ROBO2: variants seen among roughly 807,000 people sequenced by gnomAD.
ROBO2 encodes roundabout homolog 2.
A neutral mutation model predicts 160.8 loss-of-function variants in ROBO2; 53 were observed. The ratio of observed to expected loss-of-function variants is 0.33; its 90% CI spans 0.26 to 0.41. The LOEUF is 0.41. ROBO2 is among the 10% of genes least tolerant of loss of function. The pLI is 1.00. For missense variants in ROBO2, 1,577 were observed against 1,722.4 expected, an observed-to-expected ratio of 0.92 and a Z score of 1.49; for synonymous variants, 664 against 611.7, an observed-to-expected ratio of 1.09 and a Z score of -1.26.
chr3:77,011,409 A>G (rs2061915401), intron 2 of ROBO2, among the ~76,000 whole-genome samples: 1 of 152,156 alleles, frequency 6.6e-6, no homozygotes, highest in Admixed American at 6.5e-5. Flanking sequence ...TGTGTCAAGT[A>G]TCTTCAGCTT....
At chr3:77,528,014 T>C (rs2091330331) in intron 6 of ROBO2, among the ~76,000 whole-genome samples, 1 of 151,640 alleles carries the variant, frequency 6.6e-6, no homozygotes, top group South Asian at 2.1e-4. Context: ...GGTTTTAATA[T>C]ATCTTATTTT....
At chr3:77,506,971 G>T (rs2088627584) in intron 5 of ROBO2, among the ~76,000 whole-genome samples, 2 of 152,078 alleles carry the variant, frequency 1.3e-5, no homozygotes. Context: ...GTTTTCTAAT[G>T]ATTTGAGATG....
intron 2 of ROBO2, among the ~76,000 whole-genome samples, chr3:76,137,350 G>A (rs538286377): frequency 4.6e-5 from 7 of 152,038 alleles, no homozygotes; most frequent in African/African-American, 1.4e-4. Context: ...TGCCGAAAAC[G>A]TCCAATCCTA....
At chr3:76,825,248 A>G (rs1284414122) in intron 2 of ROBO2, among the ~76,000 whole-genome samples, 3 of 152,106 alleles carry the variant, frequency 2.0e-5, no homozygotes, top group Non-Finnish European at 1.5e-5. Context: ...GACAAACAAG[A>G]ATGGATTTGA....
intron 2 of ROBO2, among the ~76,000 whole-genome samples, chr3:77,387,060 T>C (rs1006114722): frequency 5.9e-5 from 9 of 152,008 alleles, no homozygotes; most frequent in African/African-American, 1.4e-4. Context: ...AAATTTGGGA[T>C]GTTAGAGTGA....
chr3:75,907,649 C>T (rs867652072), intron 1 of ROBO2, among the ~76,000 whole-genome samples: 6 of 151,992 alleles, frequency 3.9e-5, no homozygotes, highest in South Asian at 4.2e-4. Flanking sequence ...TTTAAGTGGC[C>T]GACTGACAGG....
intron 2 of ROBO2, among the ~76,000 whole-genome samples, chr3:76,276,967 A>G (rs1473714194): frequency 6.6e-6 from 1 of 152,034 alleles, no homozygotes; most frequent in East Asian, 1.9e-4. Flanking sequence ...TATATTTTAT[A>G]TATACATTAT....
At chr3:76,011,881 T>C (rs1266856207) in intron 2 of ROBO2, among the ~76,000 whole-genome samples, 1 of 152,160 alleles carries the variant, frequency 6.6e-6, no homozygotes, top group Non-Finnish European at 1.5e-5. Flanking sequence ...AATGGAAATT[T>C]TAAGGATACA....
chr3:77,351,074 T>C (rs2068277396), intron 2 of ROBO2, among the ~76,000 whole-genome samples: 1 of 152,228 alleles, frequency 6.6e-6, no homozygotes, highest in African/African-American at 2.4e-5. Context: ...GAAAATATTT[T>C]ATTTCTAGCA....
At chr3:77,563,483 G>A (rs944291132) in intron 11 of ROBO2, among the ~76,000 whole-genome samples, 154 bp downstream of exon 12, 4 of 152,118 alleles carry the variant, frequency 2.6e-5, no homozygotes, top group African/African-American at 9.7e-5. Context: ...CAAGAACAGA[G>A]TTAATTTTTT....
At chr3:77,174,045 C>T (rs2079895209) in intron 2 of ROBO2, among the ~76,000 whole-genome samples, 1 of 152,066 alleles carries the variant, frequency 6.6e-6, no homozygotes, top group African/African-American at 2.4e-5. Flanking sequence ...ATGGAATAAA[C>T]ATAATTCTCA....
rs1559627410 is a variant in ROBO2 at position 76,192,531 on chromosome 3, CACACACA to C, written c.109+254930_109+254936del. On this transcript the variant is annotated intron_variant, in intron 2 of 26. Coordinates refer to the ROBO2 transcript ENST00000487694. ...TTTGCGTCCAACACTCCACCACACA[CACACACA>C]CACACACACACACACACACACACAC... 7.1e-3 allele frequency among the ~76,000 whole-genome samples: 781 copies of C among 109,776 alleles called. 19 individuals carry two copies. Among genetic ancestry groups the C allele is most frequent in the Admixed American group, 0.057 (582 of 10,188 alleles). 72.0% of individuals were successfully genotyped at this position (109,776 alleles called of 152,430 possible). A position where few individuals can be genotyped will look rare whatever the true frequency, so the allele number is the denominator to read the frequency against.
chr3:75,944,707 T>A (rs1018561443), intron 2 of ROBO2, among the ~76,000 whole-genome samples: 3 of 152,204 alleles, frequency 2.0e-5, no homozygotes, highest in Non-Finnish European at 4.4e-5. Context: ...AATCTACTTA[T>A]CAACTTTAGC....
intron 2 of ROBO2, among the ~76,000 whole-genome samples, chr3:76,654,916 T>TATATATAG (rs2091430782): frequency 6.8e-6 from 1 of 146,674 alleles, no homozygotes; most frequent in Non-Finnish European, 1.5e-5. Flanking sequence ...TGTGTGTGTA[T>TATATATAG]ATATATATAT....
intron 2 of ROBO2, among the ~76,000 whole-genome samples, chr3:76,840,519 A>C (rs2068126634): frequency 6.6e-6 from 1 of 151,412 alleles, no homozygotes; most frequent in Admixed American, 6.6e-5. Flanking sequence ...CTGAGGCAGG[A>C]GAATCGCTTG....
intron 2 of ROBO2, among the ~76,000 whole-genome samples, chr3:77,195,731 A>G (rs769154368): frequency 6.6e-6 from 1 of 152,248 alleles, no homozygotes; most frequent in Admixed American, 6.5e-5. Flanking sequence ...GCAAAATTAT[A>G]TTACAAGAAG....
chr3:77,030,006 T>C (rs1318906954), intron 2 of ROBO2, among the ~76,000 whole-genome samples: 1 of 151,684 alleles, frequency 6.6e-6, no homozygotes, highest in Non-Finnish European at 1.5e-5. Context: ...AGTGCAGTGG[T>C]GCGATCTCCG....
At chr3:76,239,875 A>G (rs575717955) in intron 2 of ROBO2, among the ~76,000 whole-genome samples, 135 of 152,264 alleles carry the variant, frequency 8.9e-4, no homozygotes, top group Non-Finnish European at 1.8e-3. Flanking sequence ...TTCTGAAGAA[A>G]AAGAGATCAC....
chr3:76,613,331 A>G (rs1002617987), intron 2 of ROBO2, among the ~76,000 whole-genome samples: 1 of 152,004 alleles, frequency 6.6e-6, no homozygotes, highest in African/African-American at 2.4e-5. Flanking sequence ...GTGTGTCTGA[A>G]TCTCTCTGTC....
Sources: gnomAD v4.1 joint callset for allele counts (sites outside exome capture counted in the v4.1 genomes callset) on GRCh38, gnomAD v4.1.1 for gene constraint, MANE v1.5 for transcripts, NCBI Gene and HGNC (gene_info 2026-07-23, HGNC 2026-07-21) for gene names.